The following NALCN variants were observed in gnomAD, a reference collection of about 807,000 sequenced individuals.
The protein encoded by NALCN is sodium leak channel NALCN.
Under a neutral mutation model 225.3 loss-of-function variants are expected in NALCN, and 111 were observed. The observed-to-expected ratio is 0.49, with a 90% CI of 0.42 to 0.58. The LOEUF is 0.58. Among genes scored for constraint, NALCN ranks in the 20% least tolerant of loss-of-function variants. The pLI, the probability that NALCN is intolerant of heterozygous loss-of-function variation, is 0.00. For missense variants in NALCN, 1,378 were observed against 2,202.4 expected, an observed-to-expected ratio of 0.63 and a Z score of 7.49; for synonymous variants, 764 against 769.0, an observed-to-expected ratio of 0.99 and a Z score of 0.11.
intron 28 of NALCN, among the ~76,000 whole-genome samples, chr13:101,093,261 G>A (rs1263441926): frequency 6.6e-6 from 1 of 152,154 alleles, no homozygotes; most frequent in Admixed American, 6.5e-5. Flanking sequence ...ACTGTCTCCT[G>A]AATTAGTGCA....
intron 18 of NALCN, among the ~76,000 whole-genome samples, chr13:101,113,272 G>T (rs535013226): frequency 1.2e-4 from 18 of 152,318 alleles, no homozygotes; most frequent in Admixed American, 1.2e-3. Flanking sequence ...TAAACCTGAG[G>T]TTGGACGGTG....
chr13:101,343,422 C>T (rs2045619262), intron 7 of NALCN, among the ~76,000 whole-genome samples: 1 of 152,098 alleles, frequency 6.6e-6, no homozygotes, highest in Non-Finnish European at 1.5e-5. Flanking sequence ...CAAAATCAGG[C>T]AAAAGAACAA....
chr13:101,107,114 C>G (rs577096689), intron 22 of NALCN, among the ~76,000 whole-genome samples: 8 of 152,326 alleles, frequency 5.3e-5, no homozygotes, highest in Admixed American at 2.6e-4. Flanking sequence ...AAAGGAACTA[C>G]AAGCCTCATG....
chr13:101,320,251 CAAATTACAACTCACT>C (rs2044699387), intron 7 of NALCN, among the ~76,000 whole-genome samples: 1 of 152,202 alleles, frequency 6.6e-6, no homozygotes, highest in Non-Finnish European at 1.5e-5. Context: ...TGAGTTTCCT[CAAATTACAACTCACT>C]AAAATTAATA....
intron 7 of NALCN, among the ~76,000 whole-genome samples, chr13:101,309,732 A>T (rs2139136451): frequency 6.6e-6 from 1 of 152,346 alleles, no homozygotes; most frequent in East Asian, 1.9e-4. Flanking sequence ...AGAATTAAGC[A>T]AGTCTCATTG....
At chr13:101,355,457 AT>A (rs1407066529) in intron 6 of NALCN, among the ~76,000 whole-genome samples, 2 of 152,168 alleles carry the variant, frequency 1.3e-5, no homozygotes, top group East Asian at 3.9e-4. Context: ...AAAGAATGGC[AT>A]TACTTAAAGG....
chr13:101,068,903 T>C, intron 37 of NALCN, 76 bp from the exon 38 acceptor site: 14 of 1,439,420 alleles, frequency 9.7e-6, no homozygotes, highest in Non-Finnish European at 1.3e-5. Flanking sequence ...CTATAGTTAA[T>C]GAATAGATTC....
intron 22 of NALCN, among the ~76,000 whole-genome samples, chr13:101,105,909 G>T (rs2035071050): frequency 6.6e-6 from 1 of 152,136 alleles, no homozygotes; most frequent in Admixed American, 6.6e-5. Flanking sequence ...GGTCCCTGAG[G>T]TCTCTTCCAT....
At chr13:101,300,460 T>C (rs753009102) in intron 7 of NALCN, among the ~76,000 whole-genome samples, 1 of 151,192 alleles carries the variant, frequency 6.6e-6, no homozygotes, top group Non-Finnish European at 1.5e-5. Context: ...TTCCTTTTTT[T>C]CTTTTTCTGA....
At chr13:101,255,400 G>C (rs1407311608) in intron 11 of NALCN, among the ~76,000 whole-genome samples, 1 of 152,054 alleles carries the variant, frequency 6.6e-6, no homozygotes, top group African/African-American at 2.4e-5. Context: ...CCAGTGTGGA[G>C]GGCCTATTCA....
chr13:101,068,842 G>C lies in NALCN; in HGVS notation c.4198-15C>G, dbSNP rs781560390. The stretch of plus-strand genomic sequence containing the variant: ...GGAGGCTGAACCTTTGGGGCATTGG[G>C]GTGGAAGAAGGAGAGGATAAGAGTA... On this transcript the variant is annotated splice_polypyrimidine_tract_variant and intron_variant, in intron 37 of 43. Coordinates refer to ENST00000251127, the MANE Select transcript of NALCN (RefSeq NM_052867.4). The C allele has an allele frequency of 1.9e-6, 3 of 1,594,946 alleles. No individual in the cohort carries two copies. The highest frequency in any genetic ancestry group is 2.6e-6 in the Non-Finnish European group (3 of 1,172,138).
intron 13 of NALCN, among the ~76,000 whole-genome samples, chr13:101,224,817 A>AC (rs561427909): frequency 6.6e-6 from 1 of 151,316 alleles, no homozygotes; most frequent in Non-Finnish European, 1.5e-5. Context: ...AACTACACAC[A>AC]CCCCCCTTTT....
chr13:101,223,933 C>A (rs952035199), intron 13 of NALCN, among the ~76,000 whole-genome samples: 4 of 152,080 alleles, frequency 2.6e-5, no homozygotes, highest in Non-Finnish European at 5.9e-5. Context: ...CCTCTAATCC[C>A]TTCCTACAGC....
chr13:101,083,935 G>T, intron 30 of NALCN, 131 bp from the exon 31 acceptor site: 1 of 734,962 alleles, frequency 1.4e-6, no homozygotes, highest in Non-Finnish European at 2.0e-6. Context: ...CAACCGTGGT[G>T]GTGAGAGAAA....
chr13:101,163,910 T>C (rs1476105552), intron 15 of NALCN, among the ~76,000 whole-genome samples: 8 of 152,166 alleles, frequency 5.3e-5, no homozygotes, highest in Non-Finnish European at 1.2e-4. Flanking sequence ...ATGGGACTTT[T>C]CCAGCTGCTT....
chr13:101,319,276 T>C (rs1029022223), intron 7 of NALCN, among the ~76,000 whole-genome samples: 2 of 152,132 alleles, frequency 1.3e-5, no homozygotes, highest in African/African-American at 4.8e-5. Context: ...TATCAGGACC[T>C]CTCTGCTCCT....
intron 15 of NALCN, among the ~76,000 whole-genome samples, chr13:101,169,888 T>TCAGTCTTTTAA (rs1430657787): frequency 6.6e-6 from 1 of 152,234 alleles, no homozygotes; most frequent in African/African-American, 2.4e-5. Context: ...AGCAGTTATA[T>TCAGTCTTTTAA]CAGTCTTTTA....
At chr13:101,265,097 G>C (rs1352460322) in intron 10 of NALCN, among the ~76,000 whole-genome samples, 1 of 152,174 alleles carries the variant, frequency 6.6e-6, no homozygotes, top group African/African-American at 2.4e-5. Flanking sequence ...GAGAATACAT[G>C]TGTGTGGTTT....
intron 12 of NALCN, among the ~76,000 whole-genome samples, chr13:101,233,612 T>A (rs1341011870): frequency 6.6e-6 from 1 of 152,104 alleles, no homozygotes; most frequent in Non-Finnish European, 1.5e-5. Flanking sequence ...AGTGCTGGGA[T>A]TACAGGTGTG....
Sources: gnomAD v4.1 joint callset for allele counts (sites outside exome capture counted in the v4.1 genomes callset) on GRCh38, gnomAD v4.1.1 for gene constraint, MANE v1.5 for transcripts, NCBI Gene and HGNC (gene_info 2026-07-23, HGNC 2026-07-21) for gene names.